The following BCAS4 variants were observed in gnomAD, a reference collection of about 807,000 sequenced individuals.
BCAS4 encodes the protein breast carcinoma-amplified sequence 4.
In BCAS4, 9 loss-of-function variants were observed where a neutral mutation model predicts 15.7. The observed-to-expected ratio is 0.57, with a 90% CI of 0.34 to 1.00. The LOEUF is 1.00. Ranked by LOEUF, BCAS4 falls within the 50% of genes least tolerant of loss-of-function variation. The pLI is 0.02. For missense variants in BCAS4, 225 were observed against 239.1 expected (o/e 0.94, Z 0.39); for synonymous variants, 101 against 99.5 (o/e 1.02, Z -0.09).
At chr20:50,824,331 C>G (rs578238572) in intron 2 of BCAS4, among the ~76,000 whole-genome samples, 1 of 152,358 alleles carries the variant, frequency 6.6e-6, no homozygotes, top group East Asian at 1.9e-4. Context: ...GCCTTTGGCT[C>G]TCCTTCCTAG....
rs576441592 is a variant in BCAS4 at position 50,803,099 on chromosome 20, C to G, written c.90+7926C>G. 4.8e-4 allele frequency among the ~76,000 whole-genome samples: 73 copies of G among 151,116 alleles called. 1 individual carries two copies. Among genetic ancestry groups the G allele is most frequent in the Admixed American group, 4.6e-4 (7 of 15,176 alleles). Reference sequence around the variant, plus strand: ...GGGAGGCTGGGGCATGAGAATCGCTCGAACCCGGAATGTGGAGGTTGCAGT... The same window carrying G: ...GGGAGGCTGGGGCATGAGAATCGCTGGAACCCGGAATGTGGAGGTTGCAGT... On this transcript the variant is annotated intron_variant, in intron 1 of 4. Coordinates refer to ENST00000371608, the MANE Select transcript of BCAS4 (RefSeq NM_198799.4).
intron 3 of BCAS4, among the ~76,000 whole-genome samples, chr20:50,841,119 C>T (rs571395866): frequency 3.3e-5 from 5 of 152,282 alleles, no homozygotes; most frequent in East Asian, 1.9e-4. Flanking sequence ...CGTGAGCCAC[C>T]GCACCCCTTT....
At chr20:50,869,932 A>G (rs1426415576) in intron 4 of BCAS4, among the ~76,000 whole-genome samples, 1 of 151,964 alleles carries the variant, frequency 6.6e-6, no homozygotes, top group Non-Finnish European at 1.5e-5. Flanking sequence ...TATTTTTAGT[A>G]GAGATGGAAT....
At chr20:50,794,900 GTGGCGCTGCCCGCTCGGCCCGGCGCTCC>G, upstream of BCAS4, 1 of 869,424 alleles carries the variant, frequency 1.2e-6, no homozygotes, top group Non-Finnish European at 1.4e-6. Context: ...TCGCCACTGG[GTGGCGCTGCCCGCTCGGCCCGGCGCTCC>G]TGGAGCTGCG....
Position 50,834,250 on chromosome 20 carries a change from C to T in BCAS4, c.264+3870C>T, listed in dbSNP as rs183312473. The stretch of plus-strand genomic sequence containing the variant: ...TCATTCATTCATTCATTGTAGAGAC[C>T]GGGGCTCACTAAGTTGCTGCCCAGG... On this transcript the variant is annotated intron_variant, in intron 3 of 4. Transcript: ENST00000371608. 1.1e-3 allele frequency among the ~76,000 whole-genome samples: 166 copies of T among 151,282 alleles called. 1 individual carries two copies. Among genetic ancestry groups the T allele is most frequent in the Admixed American group, 2.9e-3 (44 of 15,148 alleles).
intron 1 of BCAS4, among the ~76,000 whole-genome samples, chr20:50,816,102 C>T (rs540673236): frequency 5.7e-5 from 8 of 139,910 alleles, no homozygotes; most frequent in South Asian, 4.5e-4. Flanking sequence ...CTTGGCTCAC[C>T]GCAACCTCCT....
rs533797906 is a variant in BCAS4, at chr20:50,841,929, G to T, written c.399+29G>T. 2.0e-6 allele frequency: 3 copies of T among 1,535,828 alleles called. 1 individual carries two copies. In the South Asian group the frequency reaches 3.7e-5, roughly 19 times the overall value. On this transcript the variant is annotated intron_variant, in intron 4 of 4. Coordinates refer to ENST00000371608, the MANE Select transcript of BCAS4 (RefSeq NM_198799.4). ...AGTATCCTGCCCCGAGAAGTGAGGG[G>T]AGGGCCTCTCCCCCTTCGCTCCGCA...
At chr20:50,878,922 C>T (rs1980058479), downstream of BCAS4, 1 of 152,352 alleles carries the variant, frequency 6.6e-6, no homozygotes, top group East Asian at 1.9e-4. Flanking sequence ...CTCATGCCCG[C>T]TTCTGGTCCA....
intron 1 of BCAS4, among the ~76,000 whole-genome samples, chr20:50,802,628 T>G (rs980982911): frequency 6.6e-6 from 1 of 152,198 alleles, no homozygotes; most frequent in African/African-American, 2.4e-5. Context: ...TCCCAGCACT[T>G]TGGGAAGCCG....
At chr20:50,807,574 A>G (rs2088007384) in intron 1 of BCAS4, among the ~76,000 whole-genome samples, 1 of 152,190 alleles carries the variant, frequency 6.6e-6, no homozygotes, top group Admixed American at 6.5e-5. Flanking sequence ...TTCTTTAGTG[A>G]GTGGTGATTT....
chr20:50,812,157 G>C (rs1329340434), intron 1 of BCAS4, among the ~76,000 whole-genome samples: 1 of 151,680 alleles, frequency 6.6e-6, no homozygotes, highest in Non-Finnish European at 1.5e-5. Context: ...TTTTGAGATG[G>C]AATCTCACTC....
Position 50,838,292 on chromosome 20 carries a change from G to A in BCAS4, c.265-3474G>A, listed in dbSNP as rs577025342. 8.7e-4 allele frequency among the ~76,000 whole-genome samples: 133 copies of A among 152,312 alleles called. 2 individuals are homozygous for A. Among genetic ancestry groups the A allele is most frequent in the Middle Eastern group, 6.8e-3 (2 of 294 alleles). ...TTTTAGAACCCACATTCTAAAGGGC[G>A]TGGACCATGAATAGATAAGAATTTC... On this transcript the variant is annotated intron_variant, in intron 3 of 4. Coordinates refer to ENST00000371608, the MANE Select transcript of BCAS4 (RefSeq NM_198799.4).
At chr20:50,871,302 A>G (rs1179964008) in intron 4 of BCAS4, among the ~76,000 whole-genome samples, 1 of 152,144 alleles carries the variant, frequency 6.6e-6, no homozygotes, top group Non-Finnish European at 1.5e-5. Flanking sequence ...TCCAAGAGAG[A>G]ACGGGTGTGA....
intron 2 of BCAS4, among the ~76,000 whole-genome samples, chr20:50,828,776 C>G (rs1371425183): frequency 6.6e-6 from 1 of 152,096 alleles, no homozygotes; most frequent in Non-Finnish European, 1.5e-5. Flanking sequence ...CAGATTCAGT[C>G]TCAAAAAACA....
chr20:50,869,234 A>C (rs962311724), intron 4 of BCAS4, among the ~76,000 whole-genome samples: 4 of 152,174 alleles, frequency 2.6e-5, no homozygotes. Flanking sequence ...GCTCCCTGGC[A>C]CTGGGGGTGC....
chr20:50,828,496 G>T (rs2088305463), intron 2 of BCAS4, among the ~76,000 whole-genome samples: 1 of 152,122 alleles, frequency 6.6e-6, no homozygotes, highest in African/African-American at 2.4e-5. Flanking sequence ...ATAAAAATCT[G>T]GGGCCAGGAG....
At chr20:50,804,141 C>T (rs566763127) in intron 1 of BCAS4, among the ~76,000 whole-genome samples, 1 of 152,118 alleles carries the variant, frequency 6.6e-6, no homozygotes, top group Non-Finnish European at 1.5e-5. Context: ...CGGGTTCAAG[C>T]GATTCTCCTG....
Position 50,795,074 on chromosome 20 carries a change from C to A in BCAS4, c.-10C>A. 6.7e-7 allele frequency: 1 copy of A among 1,493,792 alleles called. No individual in the cohort carries two copies. The highest frequency in any genetic ancestry group is 8.9e-7 in the Non-Finnish European group (1 of 1,122,266). 92.5% of individuals were successfully genotyped at this position (1,493,792 alleles called of 1,614,324 possible). A position where few individuals can be genotyped will look rare whatever the true frequency, so the allele number is the denominator to read the frequency against. On this transcript the variant is annotated 5_prime_UTR_variant, in exon 1 of 5. Transcript: ENST00000371608. ...GCAGCCTCCGCCAGCCGGACCCCGTCGCCCTCCTGATGCTGCTCGTGGACG... is the reference window on the plus strand; with the variant it reads ...GCAGCCTCCGCCAGCCGGACCCCGTAGCCCTCCTGATGCTGCTCGTGGACG...
chr20:50,804,028 G>T (rs983210229), intron 1 of BCAS4, among the ~76,000 whole-genome samples: 1 of 151,942 alleles, frequency 6.6e-6, no homozygotes, highest in African/African-American at 2.4e-5. Context: ...AGAGCGTGTG[G>T]GCCTGGGGAT....
Sources: allele counts gnomAD v4.1 joint callset (sites outside exome capture counted in the v4.1 genomes callset), GRCh38; gene constraint gnomAD v4.1.1; transcripts MANE v1.5; gene names NCBI Gene and HGNC (gene_info 2026-07-23, HGNC 2026-07-21).